ZZEF1: variants seen among roughly 807,000 people sequenced by gnomAD.
ZZEF1 encodes zinc finger ZZ-type and EF-hand domain containing 1, also known as zinc finger ZZ-type and EF-hand domain-containing protein 1.
Under a neutral mutation model 342.8 loss-of-function variants are expected in ZZEF1, and 157 were observed. That is an observed-to-expected ratio of 0.46 (90% confidence interval 0.40 to 0.52). The LOEUF is 0.52. ZZEF1 is among the 20% of genes least tolerant of loss of function. The probability of loss-of-function intolerance (pLI) is 0.00; values close to 1 mark genes in which losing one functional copy is unlikely to be tolerated. For missense variants in ZZEF1, 3,480 were observed against 3,725.6 expected (o/e 0.93, Z 1.72); for synonymous variants, 1,505 against 1,429.1 (o/e 1.05, Z -1.20).
chr17:4,059,036 T>C (rs1418840051), intron 31 of ZZEF1, 135 bp downstream of exon 31: 2 of 674,540 alleles, frequency 3.0e-6, no homozygotes, highest in African/African-American at 3.8e-5. Context: ...ATTAGCTCTC[T>C]AGGTGGTAAC....
At position 4,017,512 on chromosome 17, in the gene ZZEF1, G is replaced by A; in HGVS notation, c.7860C>T (p.Arg2620=). ...VNEATAVLYA[R]HVLASLLAEW... ...CGGCGAGCAGGGATGCAAGCACGTG[G>A]CGGGCGTACAGGACAGCTGTGGCCT... Residue 2620 remains arginine, a synonymous_variant, in exon 48 of 55, where the codon CGC becomes CGT. Transcript: ENST00000381638. This position sits in a 1 kb window ranked among gnomAD's most constrained non-coding sequence, Gnocchi z 5.1. 6.2e-7 allele frequency: 1 copy of A among 1,614,274 alleles called. No homozygotes were observed. Among genetic ancestry groups the A allele is most frequent in the Non-Finnish European group, 8.5e-7 (1 of 1,180,036 alleles).
At chr17:4,091,699 C>T (rs2057945379) in intron 11 of ZZEF1, among the ~76,000 whole-genome samples, 1 of 151,564 alleles carries the variant, frequency 6.6e-6, no homozygotes, top group Non-Finnish European at 1.5e-5. Context: ...ATCACTTGAA[C>T]CCAAGAGGTG....
chr17:4,116,446 C>T (rs1468471056), intron 3 of ZZEF1, among the ~76,000 whole-genome samples: 3 of 152,194 alleles, frequency 2.0e-5, no homozygotes, highest in East Asian at 1.9e-4. Context: ...ACATGTATAT[C>T]GGCGTCTATG....
At chr17:4,030,014 G>T (rs2056505560) in intron 42 of ZZEF1, among the ~76,000 whole-genome samples, 1 of 145,512 alleles carries the variant, frequency 6.9e-6, no homozygotes, top group African/African-American at 2.6e-5. Context: ...TGGGCAACAT[G>T]CTGAGATCCT....
chr17:4,008,909 C>T lies in ZZEF1; in HGVS notation c.8779G>A (p.Asp2927Asn), dbSNP rs201710733. The T allele has an allele frequency of 1.0e-4, 159 of 1,546,124 alleles. No homozygotes were observed. Among genetic ancestry groups the T allele is most frequent in the Admixed American group, 5.3e-4 (27 of 51,304 alleles). Residue 2927 changes from aspartate to asparagine, a missense_variant, in exon 54 of 55, where the codon GAC becomes AAC. Physicochemically the swap from Asp to Asn is conservative, Grantham distance 23. Transcript: ENST00000381638. This position sits in a 1 kb window ranked among gnomAD's most constrained non-coding sequence, Gnocchi z 4.2. The part of the protein sequence containing the change: ...QDYLLALTTD[D>N]HLLRCAAQAL... ...TGTGCCGCACAGCGGAGAAGGTGGTCGTCCGTGGTTAGGGCCAGCAGGTAA... is the reference window on the plus strand; with the variant it reads ...TGTGCCGCACAGCGGAGAAGGTGGTTGTCCGTGGTTAGGGCCAGCAGGTAA...
At chr17:4,025,708 A>C (rs2056388236) in intron 42 of ZZEF1, among the ~76,000 whole-genome samples, 1 of 151,830 alleles carries the variant, frequency 6.6e-6, no homozygotes, top group Admixed American at 6.6e-5. Context: ...ATTAGTACAC[A>C]TGAGATTTCC....
At chr17:4,096,306 T>TAA (rs918694166) in intron 10 of ZZEF1, among the ~76,000 whole-genome samples, 21 of 146,804 alleles carry the variant, frequency 1.4e-4, no homozygotes, top group African/African-American at 2.5e-5. Context: ...GGTCTGACTT[T>TAA]AAAAAAAAAA....
In ZZEF1 at chr17:4,022,703, T is replaced by C. The variant is rs1487860890; in HGVS notation, c.7212+6A>G. 1.2e-6 allele frequency: 2 copies of C among 1,613,772 alleles called. No individual in the cohort carries two copies. On this transcript the variant is annotated splice_donor_region_variant and intron_variant, in intron 44 of 54. Coordinates refer to ENST00000381638, the MANE Select transcript of ZZEF1 (RefSeq NM_015113.4). ...AAGAGGAGCAGGAGTCCCTCTCGTCTCTTACTTCCAGGTCCCGGAGGAGCC... is the reference window on the plus strand; with the variant it reads ...AAGAGGAGCAGGAGTCCCTCTCGTCCCTTACTTCCAGGTCCCGGAGGAGCC...
intron 16 of ZZEF1, among the ~76,000 whole-genome samples, chr17:4,085,265 T>A (rs1274066160): frequency 6.6e-6 from 1 of 152,106 alleles, no homozygotes; most frequent in Non-Finnish European, 1.5e-5. Flanking sequence ...AAAACAAGAT[T>A]AGCGTGAATT....
rs1166450763 is a variant in ZZEF1 at position 4,014,623 on chromosome 17, T to C, written c.8146-108A>G. On this transcript the variant is annotated intron_variant, in intron 49 of 54. Coordinates refer to ENST00000381638, the MANE Select transcript of ZZEF1 (RefSeq NM_015113.4). The surrounding 1 kb of genome is among the most constrained non-coding windows in gnomAD (Gnocchi z 4.4). The stretch of plus-strand genomic sequence containing the variant: ...CTGGACCCGGGTGTGTGAGAATGAG[T>C]GAACCACAGCCCTGGCCTCCAGGAG... The C allele has an allele frequency of 8.8e-7, 1 of 1,141,608 alleles. No individual in the cohort carries two copies. The allele number at this position is 1,141,608 out of a possible 1,614,324, so 70.7% of individuals were successfully genotyped here.
chr17:4,088,526 A>T (rs2057882954), intron 13 of ZZEF1, 152 bp downstream of exon 13: 9 of 825,604 alleles, frequency 1.1e-5, no homozygotes, highest in African/African-American at 1.7e-5. Context: ...CCAACAGCTC[A>T]CTTTCCTCAG....
At chr17:4,051,654 C>T (rs772683251) in intron 35 of ZZEF1, among the ~76,000 whole-genome samples, 1 of 151,248 alleles carries the variant, frequency 6.6e-6, no homozygotes, top group Non-Finnish European at 1.5e-5. Flanking sequence ...CTCCTGACCA[C>T]AGGAGTTCGC....
chr17:4,031,856 A>G (rs1217587370), intron 42 of ZZEF1, among the ~76,000 whole-genome samples: 1 of 152,232 alleles, frequency 6.6e-6, no homozygotes, highest in East Asian at 1.9e-4. Flanking sequence ...CAGCAAATGG[A>G]GAAATTAAAT....
intron 8 of ZZEF1, among the ~76,000 whole-genome samples, chr17:4,104,157 G>C (rs1476968204): frequency 6.6e-6 from 1 of 152,190 alleles, no homozygotes; most frequent in Non-Finnish European, 1.5e-5. Context: ...AGCAGTGGCA[G>C]ACAGGTGTCC....
At chr17:4,030,341 A>T (rs1266787171) in intron 42 of ZZEF1, among the ~76,000 whole-genome samples, 1 of 152,192 alleles carries the variant, frequency 6.6e-6, no homozygotes, top group Non-Finnish European at 1.5e-5. Flanking sequence ...TCTCTAAATA[A>T]ACTGAATGAT....
At chr17:4,111,967 A>T (rs2058310074) in intron 5 of ZZEF1, among the ~76,000 whole-genome samples, 1 of 135,144 alleles carries the variant, frequency 7.4e-6, no homozygotes, top group Non-Finnish European at 1.6e-5. Context: ...CAGGAGTCTG[A>T]GGTTACAGTG....
intron 11 of ZZEF1, among the ~76,000 whole-genome samples, chr17:4,095,443 A>T (rs1303318205): frequency 6.6e-6 from 1 of 152,206 alleles, no homozygotes; most frequent in Non-Finnish European, 1.5e-5. Context: ...TATCTTCAGC[A>T]CCTAGCATCA....
chr17:4,033,979 A>G (rs2056605167), intron 40 of ZZEF1, 36 bp downstream of exon 40: 1 of 1,603,962 alleles, frequency 6.2e-7, no homozygotes, highest in South Asian at 1.1e-5. Flanking sequence ...GGTGGGATAG[A>G]GGGCAGGTGG....
In ZZEF1 at chr17:4,008,859, G is replaced by A; in HGVS notation, c.8805+24C>T. On this transcript the variant is annotated intron_variant, in intron 54 of 54. Coordinates refer to ENST00000381638, the MANE Select transcript of ZZEF1 (RefSeq NM_015113.4). This position sits in a 1 kb window ranked among gnomAD's most constrained non-coding sequence, Gnocchi z 4.2. ...TGGTGGCGCCCCAGCCTGGGGGCCA[G>A]CTCTGTTGGGGTGGAGAGAGTACCT... The A allele has an allele frequency of 6.5e-7, 1 of 1,544,398 alleles. No individual in the cohort carries two copies.
Sources: gnomAD v4.1 joint callset for allele counts (sites outside exome capture counted in the v4.1 genomes callset) on GRCh38, gnomAD v4.1.1 for gene constraint, Gnocchi (gnomAD v3.1) non-coding constraint, MANE v1.5 for transcripts, NCBI Gene and HGNC (gene_info 2026-07-23, HGNC 2026-07-21) for gene names.